Variants in BTAF1 observed in about 807,000 individuals in gnomAD.
BTAF1 encodes TATA-binding protein-associated factor 172.
Under a neutral mutation model 227.1 loss-of-function variants are expected in BTAF1, and 38 were observed. The observed-to-expected ratio is 0.17, with a 90% confidence interval of 0.13 to 0.22. BTAF1 has a LOEUF of 0.22. Among genes scored for constraint, BTAF1 ranks in the 10% least tolerant of loss-of-function variants. The probability of loss-of-function intolerance (pLI) is 1.00; values close to 1 mark genes in which losing one functional copy is unlikely to be tolerated. For synonymous variants in BTAF1, 742 were observed against 751.9 expected, an observed-to-expected ratio of 0.99 and a Z score of 0.21; for missense variants, 1,598 against 2,204.0, an observed-to-expected ratio of 0.73 and a Z score of 5.51.
At chr10:92,024,043 G>A (rs1012367803) in intron 34 of BTAF1, among the ~76,000 whole-genome samples, 2 of 152,158 alleles carry the variant, frequency 1.3e-5, no homozygotes, top group Non-Finnish European at 2.9e-5. Flanking sequence ...TGATTCTCTT[G>A]GATTTTATTC....
Position 91,928,669 on chromosome 10 carries a change from GTTAC to G in BTAF1, c.14+4583_14+4586del, listed in dbSNP as rs1267893974. ...ATGGGGCTTTTTCTCATTATCATGT[GTTAC>G]TTAGTTGGGATTTTGCCACCAACGG... On this transcript the variant is annotated intron_variant, in intron 1 of 37. Transcript: ENST00000265990. 6.0e-5 allele frequency among the ~76,000 whole-genome samples: 9 copies of G among 151,074 alleles called. No individual in the cohort carries two copies. The South Asian group carries it at 1.0e-3, about 18-fold the overall frequency.
At chr10:92,027,414 C>A (rs997781147) in intron 37 of BTAF1, 114 bp downstream of exon 37, 2 of 929,952 alleles carry the variant, frequency 2.2e-6, no homozygotes, top group African/African-American at 3.3e-5. Flanking sequence ...CATGAGATCA[C>A]CACTGGAGGG....
chr10:91,935,535 G>A (rs552929451), intron 1 of BTAF1, 122 bp from the exon 2 acceptor site: 22 of 1,013,022 alleles, frequency 2.2e-5, no homozygotes, highest in Middle Eastern at 6.1e-4. Context: ...ATGTCTTTCC[G>A]GGGCTCATTT....
chr10:92,029,075 T>C lies in BTAF1; in HGVS notation c.*142T>C. 1.5e-6 allele frequency: 1 copy of C among 676,082 alleles called. No homozygotes were observed. The highest frequency in any genetic ancestry group is 3.2e-5 in the South Asian group (1 of 31,604). 41.9% of individuals were successfully genotyped at this position (676,082 alleles called of 1,614,324 possible). A position where few individuals can be genotyped will look rare whatever the true frequency, so the allele number is the denominator to read the frequency against. On this transcript the variant is annotated 3_prime_UTR_variant, in exon 38 of 38. Coordinates refer to ENST00000265990, the MANE Select transcript of BTAF1 (RefSeq NM_003972.3). Reference sequence around the variant, plus strand: ...ATTCAGCATAATGCTGGCTCTTGTTTCACTGGGGGAAACAAGTTATTCTCA... The same window carrying C: ...ATTCAGCATAATGCTGGCTCTTGTTCCACTGGGGGAAACAAGTTATTCTCA...
At chr10:91,978,465 C>T (rs1208491305) in intron 14 of BTAF1, among the ~76,000 whole-genome samples, 1 of 151,980 alleles carries the variant, frequency 6.6e-6, no homozygotes, top group Non-Finnish European at 1.5e-5. Context: ...TTATAGCTTT[C>T]CTAATTCTGT....
intron 5 of BTAF1, among the ~76,000 whole-genome samples, chr10:91,952,810 G>A (rs1845857692): frequency 6.6e-6 from 1 of 152,120 alleles, no homozygotes; most frequent in Admixed American, 6.5e-5. Context: ...AAAGGAAAGT[G>A]TAAGATGTAA....
intron 14 of BTAF1, among the ~76,000 whole-genome samples, chr10:91,968,107 T>C (rs1254013653): frequency 6.6e-6 from 1 of 152,188 alleles, no homozygotes; most frequent in East Asian, 1.9e-4. Flanking sequence ...GTACATATTG[T>C]ACATTTACAA....
intron 18 of BTAF1, among the ~76,000 whole-genome samples, chr10:91,983,285 A>G (rs2133988684): frequency 6.6e-6 from 1 of 152,338 alleles, no homozygotes; most frequent in East Asian, 1.9e-4. Context: ...TTCTAGGGAG[A>G]TGTATGATTT....
chr10:91,924,736 C>G (rs1195190866), intron 1 of BTAF1, among the ~76,000 whole-genome samples: 1 of 152,100 alleles, frequency 6.6e-6, no homozygotes, highest in Non-Finnish European at 1.5e-5. Flanking sequence ...ACAGGAAAGC[C>G]CAGGAAAACT....
Position 91,996,403 on chromosome 10 carries a change from T to G in BTAF1, c.3344T>G (p.Leu1115Arg). 1.2e-6 allele frequency: 2 copies of G among 1,614,176 alleles called. No individual in the cohort carries two copies. Among genetic ancestry groups the G allele is most frequent in the Non-Finnish European group, 8.5e-7 (1 of 1,180,036 alleles). The change falls in exon 24 of 38, where the codon CTT (leucine) becomes CGT (arginine). Residue 1115 changes from leucine to arginine, a missense_variant. Leu to Arg is a moderately radical substitution (Grantham distance 102). This residue lies in a region of BTAF1 where 425 missense variants were observed against 491.2 expected (regional missense o/e 0.87). Transcript: ENST00000265990. Reference sequence around the variant, plus strand: ...CATTTGCCACATCTTTATATGTGCCTTCAATACCCCAGTACTGCAGTGAGG... The same window carrying G: ...CATTTGCCACATCTTTATATGTGCCGTCAATACCCCAGTACTGCAGTGAGG... ...VQHLPHLYMC[L>R]QYPSTAVRHM...
intron 2 of BTAF1, among the ~76,000 whole-genome samples, chr10:91,939,388 T>C (rs1431035437): frequency 6.6e-6 from 1 of 152,218 alleles, no homozygotes; most frequent in East Asian, 1.9e-4. Context: ...TGCTTTTTAG[T>C]ATGTAAAATG....
rs758768279 is a variant in BTAF1 at position 92,024,988 on chromosome 10, T to G, written c.5075+21T>G. The G allele has an allele frequency of 2.5e-6, 4 of 1,587,250 alleles. No homozygotes were observed. The Admixed American group carries it at 5.1e-5, about 20-fold the overall frequency. ...TCCCGGTAAGTGGCTTCTAAGACTC[T>G]TATTCATAAATAAATATATTATTAC... On this transcript the variant is annotated intron_variant, in intron 35 of 37. Transcript: ENST00000265990.
At chr10:92,015,239 C>T (rs61876490) in intron 32 of BTAF1, among the ~76,000 whole-genome samples, 7,273 of 152,254 alleles carry the variant, frequency 0.048, 247 homozygotes, top group Non-Finnish European at 0.068. Flanking sequence ...GGAAACTGTT[C>T]CTTGTCTTAG....
chr10:92,005,239 T>C (rs1185262815), intron 25 of BTAF1, among the ~76,000 whole-genome samples: 1 of 152,030 alleles, frequency 6.6e-6, no homozygotes, highest in Non-Finnish European at 1.5e-5. Flanking sequence ...CACATGAGTT[T>C]TTTTGTTTGT....
At chr10:91,943,564 A>G (rs1281364098) in intron 4 of BTAF1, among the ~76,000 whole-genome samples, 4 of 152,176 alleles carry the variant, frequency 2.6e-5, no homozygotes, top group Non-Finnish European at 5.9e-5. Context: ...CTTTTTTATC[A>G]TAAAAAATGT....
chr10:92,008,035 T>C, intron 25 of BTAF1, 88 bp from the exon 26 acceptor site: 1 of 1,234,910 alleles, frequency 8.1e-7, no homozygotes, highest in Non-Finnish European at 1.1e-6. Context: ...AGAATTCTTT[T>C]TTCTGTGTGT....
chr10:91,944,503 A>C (rs1845229977), intron 4 of BTAF1, among the ~76,000 whole-genome samples: 1 of 152,184 alleles, frequency 6.6e-6, no homozygotes, highest in Admixed American at 6.5e-5. Context: ...TTGGATGCCT[A>C]GTGTTTTTCC....
intron 29 of BTAF1, 56 bp downstream of exon 29, chr10:92,011,206 A>G (rs1250924400): frequency 1.5e-5 from 23 of 1,520,532 alleles, no homozygotes; most frequent in Non-Finnish European, 2.0e-5. Context: ...GACTCTTAAT[A>G]TTTTCCCACT....
At chr10:91,982,058 G>GTT in intron 16 of BTAF1, 25 bp from the exon 17 acceptor site, 2 of 1,572,648 alleles carry the variant, frequency 1.3e-6, no homozygotes, top group Non-Finnish European at 1.7e-6. Flanking sequence ...AATCTTTATT[G>GTT]TTTTTTTTTC....
Sources: gnomAD v4.1 joint callset for allele counts (sites outside exome capture counted in the v4.1 genomes callset) on GRCh38, gnomAD v4.1.1 for gene constraint, gnomAD v4.1.1 regional missense constraint, MANE v1.5 for transcripts, NCBI Gene and HGNC (gene_info 2026-07-23, HGNC 2026-07-21) for gene names.